Variants in ADAMTS20 observed in about 807,000 individuals in gnomAD.
The protein encoded by ADAMTS20 is A disintegrin and metalloproteinase with thrombospondin motifs 20.
A neutral mutation model predicts 260.1 loss-of-function variants in ADAMTS20; 225 were observed. The ratio of observed to expected loss-of-function variants is 0.87; its 90% CI spans 0.78 to 0.97. The LOEUF is 0.97. Among genes scored for constraint, ADAMTS20 ranks in the 50% least tolerant of loss-of-function variants. The probability of loss-of-function intolerance (pLI) is 0.00; values close to 1 mark genes in which losing one functional copy is unlikely to be tolerated. For missense variants in ADAMTS20, 2,400 were observed against 2,337.7 expected, an observed-to-expected ratio of 1.03 and a Z score of -0.55; for synonymous variants, 802 against 769.5, an observed-to-expected ratio of 1.04 and a Z score of -0.70.
At position 43,428,431 on chromosome 12, in the gene ADAMTS20, G is replaced by T. The variant is rs915020614; in HGVS notation, c.3755C>A (p.Pro1252His). 8 of 1,613,776 alleles carry T rather than the reference G, an allele frequency of 5.0e-6. No homozygotes were observed. In the African/African-American group the frequency reaches 9.3e-5, roughly 19 times the overall value. Reference sequence around the variant, plus strand: ...CAGGCTACATTCCTGTTCCATCAAAGGGCGAACTTCAGGATCACAGTAATT... The same window carrying T: ...CAGGCTACATTCCTGTTCCATCAAATGGCGAACTTCAGGATCACAGTAATT... ...DENYCDPEVR[P>H]LMEQECSLAA... The change falls in exon 26 of 39, where the codon CCT becomes CAT. Residue 1252 changes from proline (P) to histidine (H), a missense_variant. Pro to His is a moderately conservative substitution (Grantham distance 77). Coordinates refer to ENST00000389420, the MANE Select transcript of ADAMTS20 (RefSeq NM_025003.5).
In ADAMTS20 at chr12:43,356,526, G is replaced by C; in HGVS notation, c.5601C>G (p.Leu1867=). Residue 1867 remains leucine (L), a synonymous_variant, in exon 38 of 39, where the codon CTC becomes CTG. Transcript: ENST00000389420. ...TGACAGAGGTATAACTCCCCTGAGT[G>C]AGCCACTTTGCTGTGCTGGATATCT... ...GMKISSTAKW[L]TQGSYTSVSI... is the part of the protein sequence containing the mutation. 1 of 1,611,632 alleles carries C rather than the reference G, an allele frequency of 6.2e-7. No individual in the cohort carries two copies. Among genetic ancestry groups the C allele is most frequent in the Middle Eastern group, 1.7e-4 (1 of 6,054 alleles).
chr12:43,394,016 G>A (rs1156698927), intron 29 of ADAMTS20, among the ~76,000 whole-genome samples: 1 of 151,934 alleles, frequency 6.6e-6, no homozygotes, highest in Non-Finnish European at 1.5e-5. Context: ...TTTAAATGTA[G>A]AACAAATACA....
At chr12:43,393,070 A>G (rs1421499429) in intron 29 of ADAMTS20, among the ~76,000 whole-genome samples, 1 of 152,006 alleles carries the variant, frequency 6.6e-6, no homozygotes, top group East Asian at 1.9e-4. Context: ...AGGCACCTAA[A>G]ATGTAACATT....
chr12:43,393,441 C>T (rs1219787230), intron 29 of ADAMTS20, among the ~76,000 whole-genome samples: 1 of 151,826 alleles, frequency 6.6e-6, no homozygotes, highest in African/African-American at 2.4e-5. Flanking sequence ...TACATTAGTG[C>T]TTTAAAGACT....
intron 3 of ADAMTS20, among the ~76,000 whole-genome samples, chr12:43,524,612 A>G (rs1592109972): frequency 6.6e-6 from 1 of 152,170 alleles, no homozygotes; most frequent in South Asian, 2.1e-4. Flanking sequence ...AATTTAAAAA[A>G]CAATTCAGAG....
At chr12:43,459,259 C>T (rs767975812) in intron 11 of ADAMTS20, among the ~76,000 whole-genome samples, 23 of 152,152 alleles carry the variant, frequency 1.5e-4, no homozygotes, top group Non-Finnish European at 3.2e-4. Context: ...CCTGATCCAG[C>T]GAGATGCCCA....
chr12:43,365,683 A>G (rs1012447576), intron 37 of ADAMTS20, among the ~76,000 whole-genome samples: 2 of 152,014 alleles, frequency 1.3e-5, no homozygotes, highest in Admixed American at 6.6e-5. Context: ...TTAAGTTAAT[A>G]TAATACCAAT....
chr12:43,474,354 A>G (rs1184411849), intron 7 of ADAMTS20, among the ~76,000 whole-genome samples: 1 of 149,702 alleles, frequency 6.7e-6, no homozygotes, highest in Non-Finnish European at 1.5e-5. Context: ...TCAATAGTTT[A>G]CCAACCAAAA....
At chr12:43,499,991 T>C (rs910653169) in intron 4 of ADAMTS20, among the ~76,000 whole-genome samples, 1 of 151,572 alleles carries the variant, frequency 6.6e-6, no homozygotes, top group Non-Finnish European at 1.5e-5. Context: ...AAATCTAGTA[T>C]TTTCCTTCAG....
At chr12:43,404,475 C>T (rs11611868) in intron 28 of ADAMTS20, among the ~76,000 whole-genome samples, 13,366 of 151,962 alleles carry the variant, frequency 0.088, 1,297 homozygotes, top group African/African-American at 0.24. Context: ...AATCCCTCAG[C>T]TGGCTATTTG....
intron 3 of ADAMTS20, among the ~76,000 whole-genome samples, chr12:43,530,755 C>A (rs1199796800): frequency 1.3e-5 from 2 of 152,022 alleles, no homozygotes; most frequent in African/African-American, 4.8e-5. Context: ...ATGGACACAA[C>A]TCTTAATAAA....
intron 2 of ADAMTS20, among the ~76,000 whole-genome samples, chr12:43,537,337 G>A (rs1445700775): frequency 1.3e-5 from 2 of 152,024 alleles, no homozygotes; most frequent in African/African-American, 4.8e-5. Context: ...TTACAGGCAT[G>A]AGCCACCACA....
intron 28 of ADAMTS20, among the ~76,000 whole-genome samples, chr12:43,422,010 A>G (rs1941246528): frequency 6.6e-6 from 1 of 152,012 alleles, no homozygotes; most frequent in African/African-American, 2.4e-5. Flanking sequence ...AAAATACAAC[A>G]TACATATGAA....
chr12:43,492,384 AAAAAAGAAAAAG>A (rs528013808), intron 6 of ADAMTS20, 109 bp downstream of exon 6: 123 of 1,125,740 alleles, frequency 1.1e-4, no homozygotes, highest in African/African-American at 2.6e-4. Flanking sequence ...TGTCTCAAAA[AAAAAAGAAAAAG>A]AAAAAGAAAA....
intron 9 of ADAMTS20, among the ~76,000 whole-genome samples, chr12:43,466,267 A>G (rs1235718044): frequency 6.6e-6 from 1 of 151,972 alleles, no homozygotes; most frequent in African/African-American, 2.4e-5. Flanking sequence ...GGCACCTCAA[A>G]CTTGAGCCAC....
In ADAMTS20 at chr12:43,434,258, C is replaced by G. The variant is rs1489986559; in HGVS notation, c.2707G>C (p.Asp903His). 6.3e-7 allele frequency: 1 copy of G among 1,582,226 alleles called. No homozygotes were observed. The highest frequency in any genetic ancestry group is 1.8e-5 in the Admixed American group (1 of 55,254). ...PSFVTQSCNTDCELRWHVIGK... is the reference protein window; with the variant it reads ...PSFVTQSCNTHCELRWHVIGK... ...TTTCTCTTTTACCTTAGTTCACAGTCTGTATTGCAACTTTGAGTAACAAAT... is the reference window on the plus strand; with the variant it reads ...TTTCTCTTTTACCTTAGTTCACAGTGTGTATTGCAACTTTGAGTAACAAAT... The change falls in exon 19 of 39, where the codon GAC (aspartate) becomes CAC (histidine). Residue 903 changes from aspartate (D) to histidine (H), a missense_variant. By Grantham distance (81) the Asp-to-His change is moderately conservative (BLOSUM62 -1). Coordinates refer to ENST00000389420, the MANE Select transcript of ADAMTS20 (RefSeq NM_025003.5).
intron 2 of ADAMTS20, among the ~76,000 whole-genome samples, chr12:43,533,529 A>ACTTTCT (rs1943254982): frequency 2.3e-5 from 1 of 44,416 alleles, no homozygotes; most frequent in African/African-American, 6.8e-5. Flanking sequence ...AAGAATCAAT[A>ACTTTCT]TCGTGAAAAT....
chr12:43,469,468 T>A (rs1171478776), intron 7 of ADAMTS20, among the ~76,000 whole-genome samples: 1 of 152,108 alleles, frequency 6.6e-6, no homozygotes, highest in Non-Finnish European at 1.5e-5. Context: ...AAACTCAAAA[T>A]AAATATTCAT....
chr12:43,524,978 C>A (rs901311228), intron 3 of ADAMTS20, among the ~76,000 whole-genome samples: 1 of 152,166 alleles, frequency 6.6e-6, no homozygotes, highest in East Asian at 1.9e-4. Context: ...TTGAGGAAAA[C>A]TTCCCAGGCC....
Sources: gnomAD v4.1 joint callset for allele counts (sites outside exome capture counted in the v4.1 genomes callset) on GRCh38, gnomAD v4.1.1 for gene constraint, MANE v1.5 for transcripts, NCBI Gene and HGNC (gene_info 2026-07-23, HGNC 2026-07-21) for gene names.